The following AKT3 variants were observed in gnomAD, a reference collection of about 807,000 sequenced individuals.
AKT3 encodes RAC-gamma serine/threonine-protein kinase.
A neutral mutation model predicts 65.3 loss-of-function variants in AKT3; 15 were observed. That is an observed-to-expected ratio of 0.23 (90% CI 0.15 to 0.35). AKT3 has a LOEUF of 0.35. Ranked by LOEUF, AKT3 falls within the 10% of genes least tolerant of loss-of-function variation. The pLI is 1.00. For missense variants in AKT3, 243 were observed against 576.5 expected (o/e 0.42, Z 5.92); for synonymous variants, 206 against 183.8 (o/e 1.12, Z -0.98).
intron 8 of AKT3, among the ~76,000 whole-genome samples, chr1:243,598,558 A>G (rs1307523150): frequency 6.6e-6 from 1 of 152,208 alleles, no homozygotes; most frequent in Admixed American, 6.5e-5. Context: ...ACTAGAGTGT[A>G]GCTGTACTCC....
At chr1:243,533,045 G>C (rs952533669) in intron 12 of AKT3, among the ~76,000 whole-genome samples, 2 of 151,760 alleles carry the variant, frequency 1.3e-5, no homozygotes, top group African/African-American at 4.8e-5. Flanking sequence ...TTCCTCCTTA[G>C]TCAATCCATT....
At chr1:243,747,346 G>C (rs765080931) in intron 2 of AKT3, among the ~76,000 whole-genome samples, 5 of 152,092 alleles carry the variant, frequency 3.3e-5, no homozygotes, top group Non-Finnish European at 5.9e-5. Flanking sequence ...GAATTAAAAG[G>C]GAATTAGAGG....
In AKT3 at chr1:243,654,841, T is replaced by C. The variant is rs1681640529; in HGVS notation, c.285-8804A>G. 2.0e-5 allele frequency among the ~76,000 whole-genome samples: 3 copies of C among 152,118 alleles called. No individual in the cohort carries two copies. In the South Asian group the frequency reaches 6.2e-4, roughly 32 times the overall value. On this transcript the variant is annotated intron_variant, in intron 4 of 13. Transcript: ENST00000673466. ...ATGCTGCTGCTCTGAAAGCAAACAT[T>C]TTTTTCTCTGTCTACATTGGGGATT...
chr1:243,641,615 A>ATAT (rs1405722520), intron 5 of AKT3, among the ~76,000 whole-genome samples: 1 of 152,110 alleles, frequency 6.6e-6, no homozygotes, highest in Non-Finnish European at 1.5e-5. Context: ...TAATTATAAA[A>ATAT]TATTACTATA....
At chr1:243,683,567 T>C (rs890495270) in intron 3 of AKT3, among the ~76,000 whole-genome samples, 26 of 152,100 alleles carry the variant, frequency 1.7e-4, no homozygotes, top group African/African-American at 5.8e-4. Flanking sequence ...AATTGAGTGA[T>C]ACTAATTATA....
chr1:243,600,625 G>A (rs776842548), intron 8 of AKT3, among the ~76,000 whole-genome samples: 3 of 152,010 alleles, frequency 2.0e-5, no homozygotes, highest in African/African-American at 4.8e-5. Context: ...AATGAAACAT[G>A]ACCCTTATGT....
intron 2 of AKT3, among the ~76,000 whole-genome samples, chr1:243,703,440 T>C (rs970418211): frequency 6.6e-6 from 1 of 152,130 alleles, no homozygotes; most frequent in Admixed American, 6.5e-5. Context: ...ACTCAACTTA[T>C]CATAACCATG....
At chr1:243,568,545 T>G (rs904765361) in intron 9 of AKT3, among the ~76,000 whole-genome samples, 1 of 152,196 alleles carries the variant, frequency 6.6e-6, no homozygotes, top group African/African-American at 2.4e-5. Context: ...CAGAGGGTCT[T>G]GATTCAGTGT....
At chr1:243,542,423 T>C (rs1672382310) in intron 12 of AKT3, among the ~76,000 whole-genome samples, 1 of 152,196 alleles carries the variant, frequency 6.6e-6, no homozygotes, top group Non-Finnish European at 1.5e-5. Context: ...CTTTCACTTT[T>C]TACTTTGCCT....
intron 3 of AKT3, among the ~76,000 whole-genome samples, chr1:243,692,166 G>T (rs1472875428): frequency 1.3e-5 from 2 of 152,108 alleles, no homozygotes; most frequent in Non-Finnish European, 2.9e-5. Context: ...AAGCAGGAAG[G>T]CCATTCTTAC....
At chr1:243,690,884 C>T (rs996187166) in intron 3 of AKT3, among the ~76,000 whole-genome samples, 4 of 152,014 alleles carry the variant, frequency 2.6e-5, no homozygotes, top group Non-Finnish European at 5.9e-5. Context: ...AGAGAAATCT[C>T]GACTAGATGT....
At position 243,678,523 on chromosome 1, in the gene AKT3, T is replaced by A. The variant is rs539499048; in HGVS notation, c.173-13640A>T. On this transcript the variant is annotated intron_variant, in intron 3 of 13. Transcript: ENST00000673466. ...CAAAATTTATTTTTTAAATAGTAAC[T>A]ACTAAGTAATTATCTTAGCATATTA... Among the ~76,000 whole-genome samples, 256 of 152,338 alleles carry A rather than the reference T, an allele frequency of 1.7e-3. 1 individual carries two copies. Among genetic ancestry groups the A allele is most frequent in the Middle Eastern group, 6.8e-3 (2 of 294 alleles).
chr1:243,522,918 C>A lies in AKT3; in HGVS notation c.1252-10492G>T, dbSNP rs116315262. ...CTCTCTCTCTCTGTCCAGGTTCTAG[C>A]ACTGACAGCCACAGCCACTCTCTTA... On this transcript the variant is annotated intron_variant, in intron 12 of 13. Coordinates refer to ENST00000673466, the MANE Select transcript of AKT3 (RefSeq NM_005465.7). Among the ~76,000 whole-genome samples, 761 of 152,220 alleles carry A rather than the reference C, an allele frequency of 5.0e-3. 8 individuals are homozygous for A. Among genetic ancestry groups the A allele is most frequent in the African/African-American group, 0.018 (729 of 41,520 alleles).
chr1:243,834,880 G>A (rs1007648849), intron 2 of AKT3, among the ~76,000 whole-genome samples: 5 of 151,946 alleles, frequency 3.3e-5, no homozygotes, highest in African/African-American at 7.3e-5. Flanking sequence ...TTCAAAAGAC[G>A]TATGAATAAG....
chr1:243,833,765 A>G (rs1051093696), intron 2 of AKT3, among the ~76,000 whole-genome samples: 1 of 151,788 alleles, frequency 6.6e-6, no homozygotes, highest in Non-Finnish European at 1.5e-5. Context: ...AAATCCTTCA[A>G]AAATGAAGAT....
At chr1:243,624,917 G>T in intron 6 of AKT3, 1 of 226,946 alleles carries the variant, frequency 4.4e-6, no homozygotes, top group Admixed American at 4.4e-5. Flanking sequence ...ACCACCTTTT[G>T]TCTTCTTCTT....
chr1:243,664,673 AT>A (rs1169408198), intron 4 of AKT3, 98 bp downstream of exon 4: 3 of 405,340 alleles, frequency 7.4e-6, no homozygotes, highest in African/African-American at 2.1e-5. Flanking sequence ...ATTTAAAAAA[AT>A]ATATTTATAT....
chr1:243,517,766 T>C (rs534571082), intron 12 of AKT3, among the ~76,000 whole-genome samples: 1 of 152,352 alleles, frequency 6.6e-6, no homozygotes, highest in African/African-American at 2.4e-5. Flanking sequence ...TGTCTTTCAA[T>C]TGTGGTGTTT....
chr1:243,801,598 C>G (rs1692385753), intron 2 of AKT3, among the ~76,000 whole-genome samples: 1 of 152,136 alleles, frequency 6.6e-6, no homozygotes, highest in African/African-American at 2.4e-5. Context: ...TGTGAGAATT[C>G]TGAGGTTAGG....
Sources: allele counts gnomAD v4.1 joint callset (sites outside exome capture counted in the v4.1 genomes callset), GRCh38; gene constraint gnomAD v4.1.1; transcripts MANE v1.5; gene names NCBI Gene and HGNC (gene_info 2026-07-23, HGNC 2026-07-21).